The following ARL13B variants were observed in gnomAD, a reference collection of about 807,000 sequenced individuals.
ARL13B encodes the protein ARF like GTPase 13B.
ARL13B carries 36 observed loss-of-function variants against 56.1 expected under a neutral mutation model. That is an observed-to-expected ratio of 0.64 (90% confidence interval 0.49 to 0.85). The LOEUF (loss-of-function observed/expected upper bound fraction) is 0.85. ARL13B is among the 40% of genes least tolerant of loss of function. ARL13B has a pLI of 0.00. For missense variants in ARL13B, 519 were observed against 507.1 expected (o/e 1.02, Z -0.23); for synonymous variants, 178 against 171.1 (o/e 1.04, Z -0.32).
At chr3:93,996,443 C>G (rs1377659409) in intron 2 of ARL13B, 1 of 184,458 alleles carries the variant, frequency 5.4e-6, no homozygotes, top group Non-Finnish European at 1.2e-5. Context: ...CGTACTGCAT[C>G]TCATTGAATA....
intron 3 of ARL13B, among the ~76,000 whole-genome samples, chr3:94,013,199 A>G (rs1227774474): frequency 6.6e-6 from 1 of 152,028 alleles, no homozygotes; most frequent in Non-Finnish European, 1.5e-5. Flanking sequence ...AGTAAATTTC[A>G]CCTTTCAGAA....
At chr3:93,987,809 A>G (rs1326550901) in intron 1 of ARL13B, among the ~76,000 whole-genome samples, 1 of 151,212 alleles carries the variant, frequency 6.6e-6, no homozygotes, top group African/African-American at 2.4e-5. Context: ...ATGCCTGGCT[A>G]ATTTTTTTTT....
rs772551424 is a variant in ARL13B, at chr3:94,003,690, A to G, written c.162A>G (p.Gly54=). Residue 54 remains glycine (G), a synonymous_variant, in exon 3 of 10, where the codon GGA becomes GGG. Transcript: ENST00000394222. ...CTGAAGATGTAGCTCCTACTGTTGG[A>G]TTTTCAAAAATTAACCTTAGACAAG... is the stretch of plus-strand genomic sequence containing the variant. ...EYPEDVAPTV[G]FSKINLRQGK... The G allele has an allele frequency of 1.2e-6, 2 of 1,613,480 alleles. No homozygotes were observed. The highest frequency in any genetic ancestry group is 1.7e-6 in the Non-Finnish European group (2 of 1,179,588).
At chr3:94,015,088 A>G in intron 3 of ARL13B, 2 of 1,613,862 alleles carry the variant, frequency 1.2e-6, no homozygotes, top group Non-Finnish European at 1.7e-6. Flanking sequence ...CAAATTGTTA[A>G]TACTTTCCTG....
intron 2 of ARL13B, 39 bp from the exon 3 acceptor site, chr3:94,003,620 G>C: frequency 6.2e-7 from 1 of 1,606,002 alleles, no homozygotes; most frequent in African/African-American, 1.3e-5. Flanking sequence ...GTCAATTAAA[G>C]TCTAAAGATT....
At chr3:94,041,125 A>G (rs1477428497) in intron 6 of ARL13B, among the ~76,000 whole-genome samples, 1 of 152,078 alleles carries the variant, frequency 6.6e-6, no homozygotes. Flanking sequence ...TTTCCCCACA[A>G]AACTTTTTTA....
intron 5 of ARL13B, among the ~76,000 whole-genome samples, chr3:94,037,893 A>G (rs557159852): frequency 6.6e-6 from 1 of 151,872 alleles, no homozygotes; most frequent in South Asian, 2.1e-4. Flanking sequence ...CTTTTCCAAT[A>G]CTCCTTACCC....
chr3:93,993,972 T>G (rs568176910), intron 1 of ARL13B, among the ~76,000 whole-genome samples: 146 of 152,312 alleles, frequency 9.6e-4, no homozygotes, highest in African/African-American at 3.4e-3. Context: ...TACCTTATTC[T>G]TGCACTGAGT....
intron 8 of ARL13B, 28 bp downstream of exon 8, chr3:94,049,550 T>G (rs1290865678): frequency 7.2e-7 from 1 of 1,397,288 alleles, no homozygotes; most frequent in Non-Finnish European, 1.0e-6. Context: ...GATACTGAAT[T>G]TAGAAATATT....
rs1576035362 is a variant in ARL13B at position 94,039,983 on chromosome 3, A to T, written c.793A>T (p.Ile265Phe). The T allele has an allele frequency of 6.2e-7, 1 of 1,613,572 alleles. No homozygotes were observed. The highest frequency in any genetic ancestry group is 8.5e-7 in the Non-Finnish European group (1 of 1,179,620). ...NPFQPIASVI[I>F]ENEGKLEREK... ...TTTCCAGCCAATAGCATCTGTAATC[A>T]TTGAGGTATGAATGATGGCAAATGT... The change falls in exon 6 of 10, where the codon ATT becomes TTT. Residue 265 changes from isoleucine (I) to phenylalanine (F), a missense_variant. Physicochemically the swap from Ile to Phe is conservative, Grantham distance 21. Coordinates refer to ENST00000394222, the MANE Select transcript of ARL13B (RefSeq NM_001174150.2).
chr3:94,050,618 G>A (rs1489791008), intron 8 of ARL13B, among the ~76,000 whole-genome samples: 1 of 152,146 alleles, frequency 6.6e-6, no homozygotes, highest in Admixed American at 6.5e-5. Context: ...CTACTGAAAA[G>A]TTAAAGCAGA....
At chr3:94,016,516 A>G (rs185691110) in intron 3 of ARL13B, among the ~76,000 whole-genome samples, 293 of 152,326 alleles carry the variant, frequency 1.9e-3, no homozygotes, top group African/African-American at 6.4e-3. Flanking sequence ...TAACAAAAAT[A>G]TATTTAACAG....
At chr3:93,980,879 C>A (rs760405567) in intron 1 of ARL13B, among the ~76,000 whole-genome samples, 2 of 152,110 alleles carry the variant, frequency 1.3e-5, no homozygotes, top group Non-Finnish European at 2.9e-5. Context: ...CATTCCAAGT[C>A]ACACCTCCAC....
intron 7 of ARL13B, among the ~76,000 whole-genome samples, chr3:94,047,021 G>A (rs2076995048): frequency 6.6e-6 from 1 of 151,954 alleles, no homozygotes; most frequent in Non-Finnish European, 1.5e-5. Context: ...TTTAGTCTTA[G>A]TTTCTTCATC....
rs1272606865 is a variant in ARL13B at position 93,981,885 on chromosome 3, A to AG, written c.59+1403_59+1404insG. On this transcript the variant is annotated intron_variant, in intron 1 of 9. Coordinates refer to ENST00000394222, the MANE Select transcript of ARL13B (RefSeq NM_001174150.2). ...TGTCTCAAAAAAAAAAAAAAAAAAA[A>AG]AAAAGAAAAAAGTCAAAGAGTTGTT... Among the ~76,000 whole-genome samples, 62 of 150,962 alleles carry AG rather than the reference A, an allele frequency of 4.1e-4. No individual in the cohort carries two copies. The South Asian group carries it at 9.9e-3, about 24-fold the overall frequency.
chr3:94,018,097 T>G (rs552079364), intron 3 of ARL13B, among the ~76,000 whole-genome samples: 1 of 152,198 alleles, frequency 6.6e-6, no homozygotes, highest in Admixed American at 6.5e-5. Context: ...GGGGTGTCCC[T>G]ATGTTGTCCA....
In ARL13B at chr3:94,035,433, G is replaced by C. The variant is rs1342483416; in HGVS notation, c.483G>C (p.Gln161His). The C allele has an allele frequency of 2.0e-6, 3 of 1,528,186 alleles. No homozygotes were observed. The highest frequency in any genetic ancestry group is 2.7e-6 in the Non-Finnish European group (3 of 1,119,440). The allele number at this position is 1,528,186 out of a possible 1,614,324, so 94.7% of individuals were successfully genotyped here. The change falls in exon 4 of 10, where the codon CAG becomes CAC. Residue 161 changes from glutamine (Q) to histidine (H), a missense_variant. By Grantham distance (24) the Gln-to-His change is conservative. Transcript: ENST00000394222. The part of the protein sequence containing the change: ...KLVNEHKCLC[Q>H]IEPCSAISGY... ...TCAATGAGCACAAGTGCCTGTGTCA[G>C]ATAGTAAGGTTTTTTTTTTTTTTTT... is the stretch of plus-strand genomic sequence containing the variant.
chr3:94,031,630 TC>T (rs1395171924), intron 3 of ARL13B, among the ~76,000 whole-genome samples: 5 of 152,074 alleles, frequency 3.3e-5, no homozygotes. Context: ...CATTTTTAAA[TC>T]CATAAGTTCA....
At chr3:94,004,378 G>A (rs972290810) in intron 3 of ARL13B, among the ~76,000 whole-genome samples, 3 of 152,026 alleles carry the variant, frequency 2.0e-5, no homozygotes, top group African/African-American at 7.2e-5. Flanking sequence ...ACATGTGATT[G>A]TTATCAAATT....
Sources: allele counts gnomAD v4.1 joint callset (sites outside exome capture counted in the v4.1 genomes callset), GRCh38; gene constraint gnomAD v4.1.1; transcripts MANE v1.5; gene names NCBI Gene and HGNC (gene_info 2026-07-23, HGNC 2026-07-21).